Variants in CNTNAP4 observed in about 807,000 individuals in gnomAD.
CNTNAP4 encodes contactin-associated protein-like 4.
In CNTNAP4, 98 loss-of-function variants were observed where a neutral mutation model predicts 148.4. The observed-to-expected ratio is 0.66, with a 90% CI of 0.56 to 0.78. The LOEUF (loss-of-function observed/expected upper bound fraction) is 0.78, where lower values mean the gene tolerates loss of function less well. CNTNAP4 is among the 30% of genes least tolerant of loss of function. The probability of loss-of-function intolerance (pLI) is 0.00; values close to 1 mark genes in which losing one functional copy is unlikely to be tolerated. For synonymous variants in CNTNAP4, 730 were observed against 565.1 expected, an observed-to-expected ratio of 1.29 and a Z score of -4.14; for missense variants, 1,935 against 1,565.6, an observed-to-expected ratio of 1.24 and a Z score of -3.98.
chr16:76,383,752 G>T (rs552114185), intron 3 of CNTNAP4, among the ~76,000 whole-genome samples: 73 of 152,152 alleles, frequency 4.8e-4, no homozygotes, highest in African/African-American at 1.8e-3. Context: ...AGATATTTAC[G>T]CATGAAATAA....
At chr16:76,378,597 T>A (rs2015663426) in intron 3 of CNTNAP4, among the ~76,000 whole-genome samples, 1 of 152,194 alleles carries the variant, frequency 6.6e-6, no homozygotes. Flanking sequence ...CCTTTCTGAG[T>A]AGACCTTGGT....
At chr16:76,365,548 C>G (rs2014006117) in intron 3 of CNTNAP4, among the ~76,000 whole-genome samples, 1 of 151,928 alleles carries the variant, frequency 6.6e-6, no homozygotes, top group Non-Finnish European at 1.5e-5. Flanking sequence ...ATCAGGAGTT[C>G]AAAACTAGCC....
intron 3 of CNTNAP4, among the ~76,000 whole-genome samples, chr16:76,362,299 C>G (rs556822651): frequency 2.0e-5 from 3 of 152,198 alleles, no homozygotes; most frequent in South Asian, 2.1e-4. Flanking sequence ...GATTAGAAGA[C>G]TTAATATTGT....
At chr16:76,452,174 A>G (rs2080514905) in intron 7 of CNTNAP4, among the ~76,000 whole-genome samples, 1 of 151,372 alleles carries the variant, frequency 6.6e-6, no homozygotes, top group East Asian at 2.0e-4. Context: ...GTATTTGTTT[A>G]TAATAAAAGT....
At chr16:76,442,527 G>T (rs552526701) in intron 4 of CNTNAP4, among the ~76,000 whole-genome samples, 1 of 152,230 alleles carries the variant, frequency 6.6e-6, no homozygotes, top group African/African-American at 2.4e-5. Context: ...AAGAAGCATG[G>T]TGCTAACATC....
chr16:76,551,426 A>G lies in CNTNAP4; in HGVS notation c.3443-1857A>G, dbSNP rs551724625. Among the ~76,000 whole-genome samples, 3 of 150,812 alleles carry G rather than the reference A, an allele frequency of 2.0e-5. No homozygotes were observed. In the East Asian group the frequency reaches 5.8e-4, roughly 29 times the overall value. On this transcript the variant is annotated intron_variant, in intron 21 of 23. Coordinates refer to ENST00000611870, the MANE Select transcript of CNTNAP4 (RefSeq NM_033401.5). ...AAAAATATATATATATATATATTAG[A>G]GCTCAGATGCCCAGGGTTAGTTAAA...
At chr16:76,540,845 T>C in intron 21 of CNTNAP4, 55 bp downstream of exon 21, 1 of 1,283,240 alleles carries the variant, frequency 7.8e-7, no homozygotes, top group Non-Finnish European at 1.1e-6. Flanking sequence ...TACATAAGCA[T>C]GGATCAGAAA....
At position 76,503,657 on chromosome 16, in the gene CNTNAP4, T is replaced by C. The variant is rs1398040110; in HGVS notation, c.2365+4963T>C. On this transcript the variant is annotated intron_variant, in intron 15 of 23. Coordinates refer to ENST00000611870, the MANE Select transcript of CNTNAP4 (RefSeq NM_033401.5). The stretch of plus-strand genomic sequence containing the variant: ...ACTCGTCATTTACATTAGGTATATC[T>C]CCTAATGCTATCCCTCCCCCTTCCC... Among the ~76,000 whole-genome samples the C allele has an allele frequency of 3.3e-5, 5 of 152,062 alleles. No individual in the cohort carries two copies. In the East Asian group the frequency reaches 7.7e-4, roughly 23 times the overall value.
At chr16:76,533,823 T>A (rs2084096785) in intron 17 of CNTNAP4, among the ~76,000 whole-genome samples, 1 of 152,180 alleles carries the variant, frequency 6.6e-6, no homozygotes, top group Admixed American at 6.5e-5. Flanking sequence ...TCTCTAGATT[T>A]ATAAATAGAT....
chr16:76,449,259 T>C (rs985970471), intron 6 of CNTNAP4, among the ~76,000 whole-genome samples: 1 of 152,160 alleles, frequency 6.6e-6, no homozygotes. Context: ...CAAGCAAATA[T>C]AGGATGTTTG....
chr16:76,512,557 G>C (rs2083069603), intron 15 of CNTNAP4, among the ~76,000 whole-genome samples: 1 of 152,110 alleles, frequency 6.6e-6, no homozygotes, highest in Non-Finnish European at 1.5e-5. Context: ...TTGCTGCTGG[G>C]GTCAGAGTTG....
intron 7 of CNTNAP4, among the ~76,000 whole-genome samples, chr16:76,450,275 G>T (rs1301511068): frequency 2.6e-5 from 4 of 151,934 alleles, no homozygotes; most frequent in Admixed American, 6.6e-5. Context: ...TCAGCCTCCT[G>T]AGTAGCTGGG....
At chr16:76,479,119 T>G (rs967192769) in intron 11 of CNTNAP4, among the ~76,000 whole-genome samples, 1 of 152,104 alleles carries the variant, frequency 6.6e-6, no homozygotes, top group Non-Finnish European at 1.5e-5. Flanking sequence ...AACACCTACC[T>G]TCTCTTTCCT....
chr16:76,285,155 G>A (rs1321405487), intron 1 of CNTNAP4, among the ~76,000 whole-genome samples: 1 of 151,816 alleles, frequency 6.6e-6, no homozygotes, highest in African/African-American at 2.4e-5. Flanking sequence ...GGATATGCTT[G>A]GGTGTTTTTT....
intron 19 of CNTNAP4, 44 bp downstream of exon 19, chr16:76,538,384 C>G (rs1423627080): frequency 1.5e-6 from 2 of 1,364,672 alleles, no homozygotes; most frequent in East Asian, 2.3e-5. Context: ...AATTAGAACA[C>G]TAGCTCTGTA....
At chr16:76,300,973 C>T (rs1023772082) in intron 1 of CNTNAP4, among the ~76,000 whole-genome samples, 27 of 151,140 alleles carry the variant, frequency 1.8e-4, no homozygotes, top group Non-Finnish European at 3.7e-4. Flanking sequence ...TTTTAGGGTA[C>T]TTTTATAAAA....
At chr16:76,399,155 A>C (rs1597421349) in intron 3 of CNTNAP4, among the ~76,000 whole-genome samples, 1 of 152,174 alleles carries the variant, frequency 6.6e-6, no homozygotes, top group Non-Finnish European at 1.5e-5. Flanking sequence ...TGAGTCCCTT[A>C]AACTGCTTTC....
At position 76,384,948 on chromosome 16, in the gene CNTNAP4, A is replaced by G. The variant is rs144874377; in HGVS notation, c.390+29437A>G. ...AGTATTTAAATTTTTTAAAAAATCA[A>G]TGAGTTAATTTACAGTCAGCATTCA... On this transcript the variant is annotated intron_variant, in intron 3 of 23. Coordinates refer to ENST00000611870, the MANE Select transcript of CNTNAP4 (RefSeq NM_033401.5). Among the ~76,000 whole-genome samples, 251 of 152,294 alleles carry G rather than the reference A, an allele frequency of 1.6e-3. 2 individuals are homozygous for G. In the East Asian group the frequency reaches 0.018, roughly 11 times the overall value.
intron 15 of CNTNAP4, among the ~76,000 whole-genome samples, chr16:76,502,965 T>A (rs1264637991): frequency 6.6e-6 from 1 of 152,198 alleles, no homozygotes; most frequent in African/African-American, 2.4e-5. Context: ...GACCTACTAG[T>A]ACCGGTTATG....
Sources: allele counts gnomAD v4.1 joint callset (sites outside exome capture counted in the v4.1 genomes callset), GRCh38; gene constraint gnomAD v4.1.1; transcripts MANE v1.5; gene names NCBI Gene and HGNC (gene_info 2026-07-23, HGNC 2026-07-21).